Variants in MYO9A observed in about 807,000 individuals in gnomAD.
The protein encoded by MYO9A is myosin IXA, also known as unconventional myosin-IXa.
MYO9A carries 103 observed loss-of-function variants against 293.3 expected under a neutral mutation model. That is an observed-to-expected ratio of 0.35 (90% CI 0.30 to 0.41). The LOEUF (loss-of-function observed/expected upper bound fraction) is 0.41, where lower values mean the gene tolerates loss of function less well. Ranked by LOEUF, MYO9A falls within the 10% of genes least tolerant of loss-of-function variation. The pLI, the probability that MYO9A is intolerant of heterozygous loss-of-function variation, is 1.00. For missense variants in MYO9A, 2,685 were observed against 3,033.0 expected (o/e 0.89, Z 2.69); for synonymous variants, 1,001 against 1,035.7 (o/e 0.97, Z 0.64).
chr15:71,832,119 A>G (rs780363467), intron 39 of MYO9A, among the ~76,000 whole-genome samples: 3 of 152,178 alleles, frequency 2.0e-5, no homozygotes, highest in Non-Finnish European at 4.4e-5. Context: ...TCCACTGAAA[A>G]TACAAAAATT....
intron 39 of MYO9A, among the ~76,000 whole-genome samples, chr15:71,841,510 T>C (rs2141012023): frequency 6.6e-6 from 1 of 152,362 alleles, no homozygotes; most frequent in East Asian, 1.9e-4. Flanking sequence ...GTGAATTACA[T>C]TAACAGCTAT....
intron 1 of MYO9A, among the ~76,000 whole-genome samples, chr15:72,054,914 C>T (rs1325058291): frequency 2.7e-5 from 4 of 150,192 alleles, no homozygotes; most frequent in African/African-American, 9.8e-5. Flanking sequence ...AAAAAGGACA[C>T]TTTTACTGAA....
intron 15 of MYO9A, among the ~76,000 whole-genome samples, chr15:71,943,833 A>G (rs1488908408): frequency 6.6e-6 from 1 of 152,148 alleles, no homozygotes; most frequent in Non-Finnish European, 1.5e-5. Context: ...TTAGAGATTC[A>G]TACGTAAAAG....
intron 20 of MYO9A, among the ~76,000 whole-genome samples, chr15:71,904,517 G>T (rs1418251320): frequency 1.3e-5 from 2 of 152,282 alleles, no homozygotes; most frequent in South Asian, 2.1e-4. Context: ...GCCGGGCGTG[G>T]TGGTGCACAC....
At chr15:72,045,677 G>A in intron 2 of MYO9A, 47 bp downstream of exon 2, 1 of 1,513,814 alleles carries the variant, frequency 6.6e-7, no homozygotes, top group Non-Finnish European at 8.8e-7. Context: ...CACCTCAAAG[G>A]ATAAAAATCA....
chr15:72,062,879 G>A (rs760826293), intron 1 of MYO9A, among the ~76,000 whole-genome samples: 1 of 152,148 alleles, frequency 6.6e-6, no homozygotes, highest in Non-Finnish European at 1.5e-5. Context: ...TTAATTAACT[G>A]GATGTGGTGG....
intron 8 of MYO9A, among the ~76,000 whole-genome samples, chr15:72,007,438 C>A (rs890399238): frequency 4.7e-5 from 7 of 149,810 alleles, no homozygotes; most frequent in African/African-American, 1.5e-4. Flanking sequence ...CACCCAAATA[C>A]CCCCATCTTG....
chr15:71,899,318 CAAATTAAAGTGAAATTTTAAGTGTG>C (rs147559713), intron 24 of MYO9A, among the ~76,000 whole-genome samples: 1 of 151,908 alleles, frequency 6.6e-6, no homozygotes, highest in Non-Finnish European at 1.5e-5. Context: ...AAGTAAACCT[CAAATTAAAGTGAAATTTTAAGTGTG>C]AAATTAAAGT....
chr15:72,052,419 C>T (rs1228947409), intron 1 of MYO9A, among the ~76,000 whole-genome samples: 1 of 152,224 alleles, frequency 6.6e-6, no homozygotes, highest in East Asian at 1.9e-4. Context: ...CCGTGTACCT[C>T]GTTCTTCCTG....
At chr15:72,074,063 C>A (rs571148441) in intron 1 of MYO9A, among the ~76,000 whole-genome samples, 1 of 152,244 alleles carries the variant, frequency 6.6e-6, no homozygotes, top group East Asian at 1.9e-4. Flanking sequence ...AATTTATCCT[C>A]ACATCACCTG....
chr15:71,852,375 T>C, intron 35 of MYO9A, 115 bp from the exon 36 acceptor site: 3 of 1,142,064 alleles, frequency 2.6e-6, no homozygotes, highest in Non-Finnish European at 3.5e-6. Flanking sequence ...TTTTTTTTTT[T>C]TTTTTGAGAT....
At chr15:72,081,496 T>C (rs1353808171) in intron 1 of MYO9A, among the ~76,000 whole-genome samples, 6 of 16,454 alleles carry the variant, frequency 3.6e-4, no homozygotes, top group Non-Finnish European at 1.3e-3. Context: ...TTCCATTCTG[T>C]AGACTGTTTA....
intron 36 of MYO9A, 152 bp from the exon 37 acceptor site, chr15:71,851,510 TTTAA>T (rs1472588178): frequency 3.8e-6 from 2 of 530,032 alleles, no homozygotes; most frequent in Admixed American, 3.3e-5. Context: ...ACAGTAACTA[TTTAA>T]CTCCTTTTGC....
chr15:71,959,502 A>G (rs1457497636), intron 14 of MYO9A: 1 of 179,636 alleles, frequency 5.6e-6, no homozygotes, highest in African/African-American at 2.4e-5. Context: ...GTAGGCCAAA[A>G]GTGCTTATGA....
intron 6 of MYO9A, among the ~76,000 whole-genome samples, chr15:72,015,278 A>C (rs2077297936): frequency 6.6e-6 from 1 of 152,210 alleles, no homozygotes; most frequent in Admixed American, 6.5e-5. Context: ...ACAAACTTAC[A>C]AACTGACAGA....
chr15:71,844,545 T>G (rs549622371), intron 39 of MYO9A, among the ~76,000 whole-genome samples: 57 of 152,272 alleles, frequency 3.7e-4, no homozygotes, highest in African/African-American at 1.3e-3. Context: ...ATACCCTATT[T>G]GAGGGAATCA....
At chr15:72,080,785 C>T (rs8029927) in intron 1 of MYO9A, among the ~76,000 whole-genome samples, 9 of 152,068 alleles carry the variant, frequency 5.9e-5, no homozygotes, top group African/African-American at 2.2e-4. Flanking sequence ...CATCAATTAG[C>T]TTCCACTTAT....
chr15:71,917,669 G>A (rs1034910648), intron 18 of MYO9A, among the ~76,000 whole-genome samples: 4 of 152,112 alleles, frequency 2.6e-5, no homozygotes, highest in African/African-American at 9.7e-5. Flanking sequence ...AAGTATTTGG[G>A]AGCTTTTTGA....
chr15:71,945,074 A>C (rs1012747188), intron 15 of MYO9A, among the ~76,000 whole-genome samples: 1 of 152,202 alleles, frequency 6.6e-6, no homozygotes, highest in Non-Finnish European at 1.5e-5. Context: ...ATATTAAATT[A>C]CTCCAAAATC....
Sources: gnomAD v4.1 joint callset for allele counts (sites outside exome capture counted in the v4.1 genomes callset) on GRCh38, gnomAD v4.1.1 for gene constraint, MANE v1.5 for transcripts, NCBI Gene and HGNC (gene_info 2026-07-23, HGNC 2026-07-21) for gene names.